The following BCAS3 variants were observed in gnomAD, a reference collection of about 807,000 sequenced individuals.
BCAS3 encodes the protein BCAS4/BCAS3 fusion.
Under a neutral mutation model 116.1 loss-of-function variants are expected in BCAS3, and 53 were observed. The observed-to-expected ratio is 0.46, with a 90% CI of 0.37 to 0.57. The LOEUF (loss-of-function observed/expected upper bound fraction) is 0.57. Among genes scored for constraint, BCAS3 ranks in the 20% least tolerant of loss-of-function variants. The probability of loss-of-function intolerance (pLI) is 0.00; values close to 1 mark genes in which losing one functional copy is unlikely to be tolerated. For synonymous variants in BCAS3, 391 were observed against 408.2 expected (o/e 0.96, Z 0.51); for missense variants, 917 against 1,165.4 (o/e 0.79, Z 3.10).
At chr17:60,745,172 T>G (rs115119677) in intron 5 of BCAS3, among the ~76,000 whole-genome samples, 1,608 of 152,182 alleles carry the variant, frequency 0.011, 20 homozygotes, top group African/African-American at 0.034. Context: ...TGTTTTAGAA[T>G]ACTATAATTT....
intron 5 of BCAS3, among the ~76,000 whole-genome samples, chr17:60,735,767 G>A (rs1598375920): frequency 6.6e-6 from 1 of 152,046 alleles, no homozygotes. Context: ...TTTTGTAGAT[G>A]TTCTTTAATC....
chr17:61,011,065 A>G (rs1317381748), intron 15 of BCAS3, among the ~76,000 whole-genome samples: 1 of 152,048 alleles, frequency 6.6e-6, no homozygotes, highest in Non-Finnish European at 1.5e-5. Flanking sequence ...GAAATATTTT[A>G]TGTATCTCAA....
At chr17:60,878,013 CTTTTTTT>C (rs11345486) in intron 9 of BCAS3, among the ~76,000 whole-genome samples, 1 of 132,570 alleles carries the variant, frequency 7.5e-6, no homozygotes, top group Admixed American at 7.4e-5. Flanking sequence ...CTTTTTTTTT[CTTTTTTT>C]TTTTTTTGAG....
At chr17:60,903,420 C>T (rs1311867356) in intron 11 of BCAS3, among the ~76,000 whole-genome samples, 1 of 152,218 alleles carries the variant, frequency 6.6e-6, no homozygotes, top group African/African-American at 2.4e-5. Context: ...ATGAGAGAAG[C>T]ATTACATATT....
At chr17:60,972,913 A>G (rs2062053223) in intron 14 of BCAS3, among the ~76,000 whole-genome samples, 1 of 152,152 alleles carries the variant, frequency 6.6e-6, no homozygotes, top group Non-Finnish European at 1.5e-5. Context: ...CAAGGTAGTT[A>G]TTGCTATATG....
At chr17:60,837,701 T>C (rs1412572691) in intron 7 of BCAS3, among the ~76,000 whole-genome samples, 1 of 150,724 alleles carries the variant, frequency 6.6e-6, no homozygotes, top group African/African-American at 2.5e-5. Flanking sequence ...TTGCCCAAGC[T>C]GGAGTGCAGT....
chr17:61,388,570 G>A lies in BCAS3; in HGVS notation c.2594-3407G>A. 1 of 1,505,234 alleles carries A rather than the reference G, an allele frequency of 6.6e-7. No individual in the cohort carries two copies. The highest frequency in any genetic ancestry group is 8.9e-7 in the Non-Finnish European group (1 of 1,123,238). The allele number at this position is 1,505,234 out of a possible 1,614,324, so 93.2% of individuals were successfully genotyped here. A position where few individuals can be genotyped will look rare whatever the true frequency, so the allele number is the denominator to read the frequency against. Reference sequence around the variant, plus strand: ...GAGATCAGTGTACTTCTCAATCGTTGTCCATATCTTTTCCAAAAAGATTCC... The same window carrying A: ...GAGATCAGTGTACTTCTCAATCGTTATCCATATCTTTTCCAAAAAGATTCC... On this transcript the variant is annotated intron_variant, in intron 23 of 23. Coordinates refer to ENST00000407086, the MANE Select transcript of BCAS3 (RefSeq NM_017679.5). The surrounding 1 kb of genome is among the most constrained non-coding windows in gnomAD (Gnocchi z 6.5).
At chr17:60,744,309 C>T (rs1040240797) in intron 5 of BCAS3, among the ~76,000 whole-genome samples, 1 of 152,086 alleles carries the variant, frequency 6.6e-6, no homozygotes, top group African/African-American at 2.4e-5. Context: ...TTTCTTAAAA[C>T]CTAAAAAATC....
chr17:61,127,378 T>C (rs1326842973), intron 22 of BCAS3, among the ~76,000 whole-genome samples: 1 of 152,016 alleles, frequency 6.6e-6, no homozygotes, highest in Non-Finnish European at 1.5e-5. Flanking sequence ...GGTTTTATAT[T>C]ACTGATGTGA....
At position 61,041,703 on chromosome 17, in the gene BCAS3, T is replaced by C. The variant is rs2067521897; in HGVS notation, c.2029+811T>C. Among the ~76,000 whole-genome samples, 1 of 152,084 alleles carries C rather than the reference T, an allele frequency of 6.6e-6. No homozygotes were observed. The highest frequency in any genetic ancestry group is 6.6e-5 in the Admixed American group (1 of 15,258). On this transcript the variant is annotated intron_variant, in intron 19 of 23. Coordinates refer to ENST00000407086, the MANE Select transcript of BCAS3 (RefSeq NM_017679.5). The surrounding 1 kb of genome is among the most constrained non-coding windows in gnomAD (Gnocchi z 4.7). ...AGCATGAATTAAAATAGTTGTCGAA[T>C]GATTTTATTTTATCTTTATAATGTG...
In BCAS3 at chr17:60,936,473, C is replaced by T. The variant is rs577493305; in HGVS notation, c.1088-10746C>T. Among the ~76,000 whole-genome samples the T allele has an allele frequency of 9.2e-5, 14 of 152,158 alleles. No homozygotes were observed. In the Middle Eastern group the frequency reaches 0.01, roughly 111 times the overall value. On this transcript the variant is annotated intron_variant, in intron 13 of 23. Coordinates refer to ENST00000407086, the MANE Select transcript of BCAS3 (RefSeq NM_017679.5). ...TGGTTGAACTAGTTTACAGTCCCAC[C>T]AACAGTGTAAAAGTGTTCCTATTTC...
rs529988896 is a variant in BCAS3 at position 60,693,025 on chromosome 17, G to A, written c.214+3264G>A. ...GGAGAATCGCTTGAACGCAGGAGGTGGAGGTTGCCCGGCTAATTTTTTGTA... is the reference window on the plus strand; with the variant it reads ...GGAGAATCGCTTGAACGCAGGAGGTAGAGGTTGCCCGGCTAATTTTTTGTA... On this transcript the variant is annotated intron_variant, in intron 4 of 23. Transcript: ENST00000407086. 4.8e-4 allele frequency among the ~76,000 whole-genome samples: 73 copies of A among 152,014 alleles called. 1 individual carries two copies. The South Asian group carries it at 0.015, about 31-fold the overall frequency.
At chr17:61,176,544 T>A (rs1601739405) in intron 22 of BCAS3, among the ~76,000 whole-genome samples, 1 of 150,246 alleles carries the variant, frequency 6.7e-6, no homozygotes, top group Non-Finnish European at 1.5e-5. Flanking sequence ...TATTTATTTA[T>A]TTATTTATTT....
chr17:60,963,092 C>T (rs1600040393), intron 14 of BCAS3, among the ~76,000 whole-genome samples: 1 of 152,224 alleles, frequency 6.6e-6, no homozygotes, highest in East Asian at 1.9e-4. Context: ...TTCCGTTGGT[C>T]TGTGTATCTA....
At chr17:60,833,883 T>C (rs1291422354) in intron 7 of BCAS3, among the ~76,000 whole-genome samples, 3 of 152,300 alleles carry the variant, frequency 2.0e-5, no homozygotes, top group Middle Eastern at 3.4e-3. Context: ...AACATTTTAC[T>C]TCTCTGTCTA....
In BCAS3 at chr17:61,333,402, CAA is replaced by C. The variant is rs577383890; in HGVS notation, c.2426-34923_2426-34922del. On this transcript the variant is annotated intron_variant, in intron 22 of 23. Transcript: ENST00000407086. The surrounding 1 kb of genome is among the most constrained non-coding windows in gnomAD (Gnocchi z 4.8). ...CTATGACCTCAAGCCAGGCCTAGGA[CAA>C]AGTGGAGACGTCCTGTGAGGCAGGC... 1.2e-3 allele frequency among the ~76,000 whole-genome samples: 177 copies of C among 152,274 alleles called. 2 individuals are homozygous for C. The highest frequency in any genetic ancestry group is 4.2e-3 in the African/African-American group (174 of 41,558).
intron 22 of BCAS3, among the ~76,000 whole-genome samples, chr17:61,237,239 G>T (rs2083131464): frequency 6.6e-6 from 1 of 152,114 alleles, no homozygotes; most frequent in Non-Finnish European, 1.5e-5. Context: ...GCACTCTGTA[G>T]CTAGCAAAGG....
At chr17:60,915,954 A>AT (rs1374928852) in intron 12 of BCAS3, among the ~76,000 whole-genome samples, 1 of 152,012 alleles carries the variant, frequency 6.6e-6, no homozygotes, top group Non-Finnish European at 1.5e-5. Flanking sequence ...AAGGGCTGGA[A>AT]TTACAGGTGT....
At chr17:60,893,047 C>CA (rs1222595134) in intron 10 of BCAS3, among the ~76,000 whole-genome samples, 3 of 151,760 alleles carry the variant, frequency 2.0e-5, no homozygotes, top group Non-Finnish European at 4.4e-5. Flanking sequence ...GTTTGTTGGC[C>CA]ATTTACATTC....
Sources: gnomAD v4.1 joint callset for allele counts (sites outside exome capture counted in the v4.1 genomes callset) on GRCh38, gnomAD v4.1.1 for gene constraint, Gnocchi (gnomAD v3.1) non-coding constraint, MANE v1.5 for transcripts, NCBI Gene and HGNC (gene_info 2026-07-23, HGNC 2026-07-21) for gene names.